Variants in NCKAP5 observed in about 807,000 individuals in gnomAD.
The protein encoded by NCKAP5 is nck-associated protein 5.
Under a neutral mutation model 167.0 loss-of-function variants are expected in NCKAP5, and 92 were observed. That is an observed-to-expected ratio of 0.55 (90% CI 0.47 to 0.66). The LOEUF (loss-of-function observed/expected upper bound fraction) is 0.66, where lower values mean the gene tolerates loss of function less well. Among genes scored for constraint, NCKAP5 ranks in the 30% least tolerant of loss-of-function variants. The pLI is 0.00. For missense variants in NCKAP5, 2,378 were observed against 2,315.0 expected (o/e 1.03, Z -0.56); for synonymous variants, 891 against 877.4 (o/e 1.02, Z -0.27).
rs1277087916 is a variant in NCKAP5, at chr2:133,538,937, T to G, written c.-62+20113A>C. Among the ~76,000 whole-genome samples the G allele has an allele frequency of 2.4e-3, 314 of 130,774 alleles. 10 individuals are homozygous for G. Among genetic ancestry groups the G allele is most frequent in the South Asian group, 0.011 (42 of 3,738 alleles). The allele number at this position is 130,774 out of a possible 152,430, so 85.8% of individuals were successfully genotyped here. A position where few individuals can be genotyped will look rare whatever the true frequency, so the allele number is the denominator to read the frequency against. On this transcript the variant is annotated intron_variant, in intron 2 of 19. Coordinates refer to ENST00000409261, the MANE Select transcript of NCKAP5 (RefSeq NM_207363.3). Reference sequence around the variant, plus strand: ...TTTTTTGTGGTTTTTTTGGGTTTTTTTTTTTTTTTTTTTTTTTTTTTGAGA... The same window carrying G: ...TTTTTTGTGGTTTTTTTGGGTTTTTGTTTTTTTTTTTTTTTTTTTTTGAGA...
intron 4 of NCKAP5, among the ~76,000 whole-genome samples, chr2:133,294,298 C>T (rs1433193346): frequency 6.6e-6 from 1 of 152,082 alleles, no homozygotes; most frequent in Non-Finnish European, 1.5e-5. Context: ...CTCGGCGTCC[C>T]CTTAGTCTAC....
chr2:133,167,163 G>A (rs1397045554), intron 5 of NCKAP5, among the ~76,000 whole-genome samples: 2 of 152,182 alleles, frequency 1.3e-5, no homozygotes, highest in Non-Finnish European at 2.9e-5. Context: ...TGATGGGACT[G>A]AAGCCCTTTG....
At chr2:133,350,515 A>C (rs1477133286) in intron 3 of NCKAP5, among the ~76,000 whole-genome samples, 1 of 152,204 alleles carries the variant, frequency 6.6e-6, no homozygotes, top group Non-Finnish European at 1.5e-5. Context: ...TCACTCTTAG[A>C]ATAAGGACCA....
the NCKAP5 span, among the ~76,000 whole-genome samples, chr2:133,674,207 G>A: frequency 2.0e-5 from 3 of 149,360 alleles, no homozygotes; most frequent in Admixed American, 2.0e-4. Flanking sequence ...AGAATGCTTG[G>A]GTCTGGCTGA....
intron 5 of NCKAP5, among the ~76,000 whole-genome samples, chr2:133,175,087 T>C (rs2084401166): frequency 6.6e-6 from 1 of 152,196 alleles, no homozygotes; most frequent in Admixed American, 6.5e-5. Flanking sequence ...GGTATCTCCA[T>C]GGTTTTTAAA....
chr2:132,866,210 C>T (rs147679211), intron 10 of NCKAP5, among the ~76,000 whole-genome samples: 307 of 152,200 alleles, frequency 2.0e-3, no homozygotes, highest in African/African-American at 7.0e-3. Context: ...GCCTTTCTTC[C>T]GTGTTTTGTT....
intron 3 of NCKAP5, among the ~76,000 whole-genome samples, chr2:133,470,657 A>G (rs1316537454): frequency 1.9e-4 from 29 of 152,138 alleles, no homozygotes; most frequent in Non-Finnish European, 4.3e-4. Context: ...GCTAGTAATC[A>G]GCGAGACTCC....
intron 7 of NCKAP5, among the ~76,000 whole-genome samples, chr2:132,982,682 G>T (rs2077177180): frequency 6.6e-6 from 1 of 152,110 alleles, no homozygotes; most frequent in Admixed American, 6.5e-5. Context: ...CCCTATGGGA[G>T]TCCCCAGTAT....
At chr2:133,599,357 G>A in the NCKAP5 span, among the ~76,000 whole-genome samples, 1 of 152,142 alleles carries the variant, frequency 6.6e-6, no homozygotes, top group East Asian at 1.9e-4. Flanking sequence ...GTGTCTCTAG[G>A]GGTAGTGGGA....
chr2:133,660,623 G>A, the NCKAP5 span, among the ~76,000 whole-genome samples: 2 of 152,168 alleles, frequency 1.3e-5, no homozygotes, highest in East Asian at 3.9e-4. Context: ...GCCCAAAGAT[G>A]GATTATGAAG....
chr2:132,911,879 A>G (rs4954008), intron 8 of NCKAP5, among the ~76,000 whole-genome samples: 15,268 of 152,214 alleles, frequency 0.1, 1,385 homozygotes, highest in Admixed American at 0.25. Context: ...ACTGTTGATT[A>G]GCGGGCCCTC....
intron 4 of NCKAP5, among the ~76,000 whole-genome samples, chr2:133,276,414 C>G (rs1015095189): frequency 6.6e-6 from 1 of 151,920 alleles, no homozygotes; most frequent in Non-Finnish European, 1.5e-5. Flanking sequence ...TGGGAACTAA[C>G]TACAGAAACA....
chr2:133,167,855 C>T (rs900035423), intron 5 of NCKAP5, among the ~76,000 whole-genome samples: 2 of 152,160 alleles, frequency 1.3e-5, no homozygotes, highest in African/African-American at 4.8e-5. Context: ...CTTCCCACTA[C>T]AGATTCCTGC....
chr2:133,078,873 C>T (rs1049210149), intron 6 of NCKAP5, among the ~76,000 whole-genome samples: 3 of 151,968 alleles, frequency 2.0e-5, no homozygotes, highest in African/African-American at 7.3e-5. Context: ...AGATAAATAC[C>T]CAGTGCTCAT....
At chr2:133,528,919 G>C (rs1685135283) in intron 2 of NCKAP5, among the ~76,000 whole-genome samples, 1 of 152,056 alleles carries the variant, frequency 6.6e-6, no homozygotes, top group Admixed American at 6.5e-5. Flanking sequence ...TTCACATTTG[G>C]CTGTCTCGAA....
intron 13 of NCKAP5, among the ~76,000 whole-genome samples, chr2:132,788,276 C>A (rs1004306214): frequency 6.6e-6 from 1 of 152,066 alleles, no homozygotes; most frequent in African/African-American, 2.4e-5. Context: ...GAGGTGCAGG[C>A]CTGTGTTTAA....
chr2:133,271,455 T>C (rs976614283), intron 4 of NCKAP5, among the ~76,000 whole-genome samples: 1 of 149,950 alleles, frequency 6.7e-6, no homozygotes, highest in Non-Finnish European at 1.5e-5. Flanking sequence ...TTTTGCAATA[T>C]ATTTTTGCAA....
At chr2:133,355,371 T>C (rs1022634422) in intron 3 of NCKAP5, among the ~76,000 whole-genome samples, 4 of 152,362 alleles carry the variant, frequency 2.6e-5, no homozygotes, top group Admixed American at 2.6e-4. Flanking sequence ...ATATACCTAC[T>C]GACAAATCAA....
At chr2:133,098,356 C>T (rs1044293830) in intron 6 of NCKAP5, among the ~76,000 whole-genome samples, 1 of 152,182 alleles carries the variant, frequency 6.6e-6, no homozygotes, top group Admixed American at 6.5e-5. Flanking sequence ...ACAGCTGAAT[C>T]TCTGCAGAAT....
Sources: allele counts gnomAD v4.1 joint callset (sites outside exome capture counted in the v4.1 genomes callset), GRCh38; gene constraint gnomAD v4.1.1; transcripts MANE v1.5; gene names NCBI Gene and HGNC (gene_info 2026-07-23, HGNC 2026-07-21).